SHISA9: variants seen among roughly 807,000 people sequenced by gnomAD.
The protein encoded by SHISA9 is shisa family member 9.
In SHISA9, 13 loss-of-function variants were observed where a neutral mutation model predicts 38.0. The ratio of observed to expected loss-of-function variants is 0.34; its 90% CI spans 0.22 to 0.54. The LOEUF (loss-of-function observed/expected upper bound fraction) is 0.54. Among genes scored for constraint, SHISA9 ranks in the 20% least tolerant of loss-of-function variants. The probability of loss-of-function intolerance (pLI) is 0.91; values close to 1 mark genes in which losing one functional copy is unlikely to be tolerated. For missense variants in SHISA9, 538 were observed against 575.8 expected (o/e 0.93, Z 0.67); for synonymous variants, 275 against 242.0 (o/e 1.14, Z -1.27).
the SHISA9 span, among the ~76,000 whole-genome samples, chr16:13,474,951 G>A: frequency 6.6e-6 from 1 of 152,224 alleles, no homozygotes; most frequent in Non-Finnish European, 1.5e-5. Flanking sequence ...AGTCATAAAC[G>A]ACTGGGTAAA....
At chr16:12,974,257 G>A (rs2072124779) in intron 2 of SHISA9, among the ~76,000 whole-genome samples, 1 of 152,034 alleles carries the variant, frequency 6.6e-6, no homozygotes, top group African/African-American at 2.4e-5. Flanking sequence ...GGCCAGGAGA[G>A]GGCAGGACAT....
intron 2 of SHISA9, among the ~76,000 whole-genome samples, chr16:13,136,784 G>C (rs1430379776): frequency 6.6e-6 from 1 of 152,108 alleles, no homozygotes; most frequent in African/African-American, 2.4e-5. Flanking sequence ...TCCACACCAT[G>C]TGGAAAAATT....
At chr16:12,970,991 A>G (rs182897555) in intron 2 of SHISA9, among the ~76,000 whole-genome samples, 16 of 152,312 alleles carry the variant, frequency 1.1e-4, no homozygotes, top group African/African-American at 3.4e-4. Flanking sequence ...CAGCACGTGG[A>G]CAGTTAGAGA....
At chr16:13,367,710 G>GCACACACACACACA in the SHISA9 span, among the ~76,000 whole-genome samples, 3 of 90,518 alleles carry the variant, frequency 3.3e-5, no homozygotes, top group African/African-American at 7.9e-5. Context: ...GCGCGCGCGC[G>GCACACACACACACA]CGCACACACA....
chr16:12,916,650 G>A (rs1425787197), intron 1 of SHISA9, 38 bp from the exon 2 acceptor site: 2 of 1,540,962 alleles, frequency 1.3e-6, no homozygotes, highest in East Asian at 5.0e-5. Context: ...CAGTCATTGT[G>A]TTTTGAATGA....
intron 2 of SHISA9, among the ~76,000 whole-genome samples, chr16:13,045,239 G>A (rs1251957784): frequency 2.0e-5 from 3 of 152,212 alleles, no homozygotes; most frequent in African/African-American, 7.2e-5. Flanking sequence ...ACTAAGTGCT[G>A]TTCTAAGTAG....
chr16:13,037,109 GACACACACACACACACACAC>G (rs1207707042), intron 2 of SHISA9, among the ~76,000 whole-genome samples: 6 of 105,208 alleles, frequency 5.7e-5, no homozygotes, highest in Non-Finnish European at 1.2e-4. Flanking sequence ...CACACACACA[GACACACACACACACACACAC>G]ACACACACAC....
At chr16:13,501,423 T>G in the SHISA9 span, among the ~76,000 whole-genome samples, 1 of 152,168 alleles carries the variant, frequency 6.6e-6, no homozygotes, top group African/African-American at 2.4e-5. Context: ...ATAAACTTTA[T>G]GCCAAGGGCA....
At chr16:13,353,537 G>A in the SHISA9 span, among the ~76,000 whole-genome samples, 2 of 151,638 alleles carry the variant, frequency 1.3e-5, no homozygotes, top group African/African-American at 2.4e-5. Context: ...AGTTGAGATC[G>A]GTAAATAGGA....
At chr16:13,127,958 A>G (rs947246977) in intron 2 of SHISA9, among the ~76,000 whole-genome samples, 8 of 152,152 alleles carry the variant, frequency 5.3e-5, no homozygotes, top group African/African-American at 1.9e-4. Context: ...CGATTGTTCA[A>G]TTCTTTTATT....
At chr16:13,200,052 G>T (rs2050989588) in intron 2 of SHISA9, among the ~76,000 whole-genome samples, 1 of 152,084 alleles carries the variant, frequency 6.6e-6, no homozygotes, top group Admixed American at 6.6e-5. Flanking sequence ...ATACTAAGGG[G>T]TCCTTTGCCC....
intron 2 of SHISA9, among the ~76,000 whole-genome samples, chr16:12,977,816 G>C (rs570852986): frequency 6.6e-6 from 1 of 152,094 alleles, no homozygotes; most frequent in South Asian, 2.1e-4. Flanking sequence ...GAGGCCTATT[G>C]AGGGTGGGGA....
the SHISA9 span, among the ~76,000 whole-genome samples, chr16:13,296,636 C>T: frequency 6.6e-6 from 1 of 151,530 alleles, no homozygotes; most frequent in East Asian, 1.9e-4. Context: ...ACAATACTTG[C>T]TCATTGCACT....
intron 2 of SHISA9, among the ~76,000 whole-genome samples, chr16:13,168,526 A>G (rs560910115): frequency 1.7e-4 from 26 of 152,320 alleles, no homozygotes; most frequent in African/African-American, 5.8e-4. Flanking sequence ...TAGTCTTCTT[A>G]GGTGCCCCAG....
chr16:13,147,089 T>C (rs1023129224), intron 2 of SHISA9, among the ~76,000 whole-genome samples: 1 of 152,206 alleles, frequency 6.6e-6, no homozygotes, highest in Non-Finnish European at 1.5e-5. Context: ...GAGGGACTTA[T>C]TGAGCACAAA....
chr16:13,274,990 C>A, the SHISA9 span, among the ~76,000 whole-genome samples: 1 of 152,128 alleles, frequency 6.6e-6, no homozygotes, highest in African/African-American at 2.4e-5. Context: ...TCCAGGAGAC[C>A]TGTCACTCAC....
chr16:13,519,270 A>C, the SHISA9 span, among the ~76,000 whole-genome samples: 1 of 152,236 alleles, frequency 6.6e-6, no homozygotes, highest in Non-Finnish European at 1.5e-5. Flanking sequence ...TATTGAAGGC[A>C]TAGTAAGCCT....
chr16:13,446,297 G>A, the SHISA9 span, among the ~76,000 whole-genome samples: 1 of 152,094 alleles, frequency 6.6e-6, no homozygotes. Context: ...ATATTAACTA[G>A]GAGCAGGTTT....
chr16:13,097,972 C>T (rs4781408), intron 2 of SHISA9, among the ~76,000 whole-genome samples: 11,239 of 152,206 alleles, frequency 0.074, 609 homozygotes, highest in Admixed American at 0.19. Flanking sequence ...TCAACATTAA[C>T]TGAGCACTTA....
Sources: allele counts gnomAD v4.1 joint callset (sites outside exome capture counted in the v4.1 genomes callset), GRCh38; gene constraint gnomAD v4.1.1; transcripts MANE v1.5; gene names NCBI Gene and HGNC (gene_info 2026-07-23, HGNC 2026-07-21).